The following SGSM2 variants were observed in gnomAD, a reference collection of about 807,000 sequenced individuals.
The protein encoded by SGSM2 is small G protein signaling modulator 2, also known as RUN and TBC1 domain containing 1.
In SGSM2, 89 loss-of-function variants were observed where a neutral mutation model predicts 126.6. The ratio of observed to expected loss-of-function variants is 0.70; its 90% CI spans 0.59 to 0.84. The LOEUF (loss-of-function observed/expected upper bound fraction) is 0.84. Among genes scored for constraint, SGSM2 ranks in the 40% least tolerant of loss-of-function variants. The probability of loss-of-function intolerance (pLI) is 0.00; values close to 1 mark genes in which losing one functional copy is unlikely to be tolerated. For missense variants in SGSM2, 1,404 were observed against 1,416.6 expected (o/e 0.99, Z 0.14); for synonymous variants, 614 against 574.3 (o/e 1.07, Z -0.99).
chr17:2,369,735 CCTGG>C (rs1224868413), intron 12 of SGSM2, among the ~76,000 whole-genome samples: 1 of 151,856 alleles, frequency 6.6e-6, no homozygotes, highest in Admixed American at 6.5e-5. Context: ...CTGCTGCCTG[CCTGG>C]CTGGGCCTCT....
Position 2,362,133 on chromosome 17 carries a change from G to C in SGSM2, c.321G>C (p.Glu107Asp). ...EGRKPSGVSQ[E>D]ALRRQGSASG... The stretch of plus-strand genomic sequence containing the variant: ...GGAAACCCTCAGGGGTCAGCCAGGA[G>C]GCCCTGCGGAGACAGGGCTCAGCCA... The change falls in exon 4 of 24, where the codon GAG (glutamate) becomes GAC (aspartate). Residue 107 changes from glutamate to aspartate, a missense_variant. By Grantham distance (45) the Glu-to-Asp change is conservative. Transcript: ENST00000268989. This position sits in a 1 kb window ranked among gnomAD's most constrained non-coding sequence, Gnocchi z 4.9. 1 of 1,613,198 alleles carries C rather than the reference G, an allele frequency of 6.2e-7. No individual in the cohort carries two copies. Among genetic ancestry groups the C allele is most frequent in the Non-Finnish European group, 8.5e-7 (1 of 1,179,788 alleles).
chr17:2,376,759 G>A lies in SGSM2; in HGVS notation c.2636G>A (p.Gly879Asp). Residue 879 changes from glycine to aspartate, a missense_variant, in exon 20 of 24, where the codon GGC becomes GAC. Physicochemically the swap from Gly to Asp is moderately conservative, Grantham distance 94. Transcript: ENST00000268989. ...CSYVWEHLDVGYVQGMCDLLA... is the reference protein window; with the variant it reads ...CSYVWEHLDVDYVQGMCDLLA... ...TACGTGTGGGAGCACCTGGACGTGG[G>A]CTATGTGCAGGGCATGTGCGATCTG... 4.3e-6 allele frequency: 7 copies of A among 1,614,046 alleles called. No individual in the cohort carries two copies. The highest frequency in any genetic ancestry group is 5.9e-6 in the Non-Finnish European group (7 of 1,180,036).
In SGSM2 at chr17:2,373,072, G is replaced by C. The variant is rs773003434; in HGVS notation, c.1908G>C (p.Glu636Asp). 1 of 1,609,718 alleles carries C rather than the reference G, an allele frequency of 6.2e-7. No individual in the cohort carries two copies. Among genetic ancestry groups the C allele is most frequent in the Non-Finnish European group, 8.5e-7 (1 of 1,178,892 alleles). Residue 636 changes from glutamate (E) to aspartate (D), a missense_variant, in exon 16 of 24, where the codon GAG becomes GAC. Transcript: ENST00000268989. ...ACAAGTTCGGCATGAGCAAGAAGGA[G>C]ATGGAGCAGGTGAGGGGAGCCTGTT... ...GHYKFGMSKK[E>D]MEQVDAVVAA...
rs376467472 is a variant in SGSM2 at position 2,375,677 on chromosome 17, G to C, written c.2286G>C (p.Ser762=). The part of the protein sequence containing the change: ...LPSSRNYSVA[S]GIQSSLDEGQ... Reference sequence around the variant, plus strand: ...CCTCTCGCAATTACTCCGTGGCCTCGGGCATCCAGTCAAGCCTAGATGAGG... The same window carrying C: ...CCTCTCGCAATTACTCCGTGGCCTCCGGCATCCAGTCAAGCCTAGATGAGG... Residue 762 remains serine, a synonymous_variant, in exon 18 of 24, where the codon TCG becomes TCC. Coordinates refer to ENST00000268989, the MANE Select transcript of SGSM2 (RefSeq NM_014853.3). 1 of 1,613,814 alleles carries C rather than the reference G, an allele frequency of 6.2e-7. No homozygotes were observed. Among genetic ancestry groups the C allele is most frequent in the East Asian group, 2.2e-5 (1 of 44,884 alleles).
chr17:2,365,172 ACT>A (rs1450517393), intron 10 of SGSM2, 41 bp from the exon 11 acceptor site: 11 of 1,591,720 alleles, frequency 6.9e-6, no homozygotes, highest in Non-Finnish European at 8.6e-6. Flanking sequence ...CCTGGATGAG[ACT>A]CTGCCCTATA....
In SGSM2 at chr17:2,377,415, TGGA is replaced by T. The variant is rs565177266; in HGVS notation, c.2802+350_2802+352del. The T allele has an allele frequency of 2.0e-3, 340 of 172,102 alleles. 10 individuals are homozygous for T. In the East Asian group the frequency reaches 0.044, roughly 22 times the overall value. The allele number at this position is 172,102 out of a possible 1,614,324, so 10.7% of individuals were successfully genotyped here. A position where few individuals can be genotyped will look rare whatever the true frequency, so the allele number is the denominator to read the frequency against. ...AGGAGAATCACTTGAACCCGGGAGGTGGAGGTTGCAGTGAGCCGAGATCACACC... is the reference window on the plus strand; with the variant it reads ...AGGAGAATCACTTGAACCCGGGAGGTGGTTGCAGTGAGCCGAGATCACACC... On this transcript the variant is annotated intron_variant, in intron 21 of 23. Transcript: ENST00000268989.
chr17:2,360,169 C>G (rs1253397374), intron 2 of SGSM2, among the ~76,000 whole-genome samples: 1 of 152,126 alleles, frequency 6.6e-6, no homozygotes, highest in Non-Finnish European at 1.5e-5. Flanking sequence ...GTGGCGAAAC[C>G]CCGTCTCTAC....
rs56109750 is a variant in SGSM2, at chr17:2,353,766, T to TAAA, written c.134-7863_134-7861dup. Among the ~76,000 whole-genome samples the TAAA allele has an allele frequency of 2.7e-5, 4 of 149,274 alleles. No homozygotes were observed. The South Asian group carries it at 8.4e-4, about 32-fold the overall frequency. On this transcript the variant is annotated intron_variant, in intron 2 of 23. Coordinates refer to ENST00000268989, the MANE Select transcript of SGSM2 (RefSeq NM_014853.3). ...GGGTGACAGACTGAGACTCTGTCTT[T>TAAA]AAAAAAAAAAGCGTGCAGTGAAAAG...
rs759679613 is a variant in SGSM2, at chr17:2,363,527, G to A, written c.735G>A (p.Glu245=). 4.3e-6 allele frequency: 7 copies of A among 1,613,512 alleles called. No homozygotes were observed. Among genetic ancestry groups the A allele is most frequent in the South Asian group, 2.2e-5 (2 of 91,084 alleles). The change falls in exon 7 of 24, where the codon GAG becomes GAA. Residue 245 remains glutamate, a synonymous_variant. Transcript: ENST00000268989. The surrounding 1 kb of genome is among the most constrained non-coding windows in gnomAD (Gnocchi z 4.2). ...SEDRLAACAR[E]CVESLHQNSR... ...ACAGGCTGGCTGCCTGTGCCCGCGA[G>A]TGTGTGGAGTCCCTGCACCAGAACT...
chr17:2,352,887 C>A (rs2064924964), intron 2 of SGSM2, among the ~76,000 whole-genome samples: 1 of 137,488 alleles, frequency 7.3e-6, no homozygotes, highest in Admixed American at 7.1e-5. Context: ...ACGCCATTCT[C>A]CTGCCTCAGC....
At chr17:2,376,283 A>C in intron 19 of SGSM2, 22 bp downstream of exon 19, 21 of 1,441,986 alleles carry the variant, frequency 1.5e-5, no homozygotes, top group Non-Finnish European at 1.9e-5. Context: ...GGCGGGGCTC[A>C]GGGTGGGAGG....
chr17:2,337,847 A>C lies in SGSM2; in HGVS notation c.57+102A>C. ...CCCCCCGGCGCGGGCACCCGGGCCG[A>C]ACCTGGGCCGGGCGGGGCGGGTCCT... On this transcript the variant is annotated intron_variant, in intron 1 of 23. Transcript: ENST00000268989. The surrounding 1 kb of genome is among the most constrained non-coding windows in gnomAD (Gnocchi z 5.1). 1.3e-6 allele frequency: 1 copy of C among 763,738 alleles called. No individual in the cohort carries two copies. The highest frequency in any genetic ancestry group is 1.8e-6 in the Non-Finnish European group (1 of 547,384). The allele number at this position is 763,738 out of a possible 1,614,324, so 47.3% of individuals were successfully genotyped here.
intron 12 of SGSM2, among the ~76,000 whole-genome samples, chr17:2,370,415 T>C (rs947178325): frequency 3.3e-5 from 5 of 152,258 alleles, no homozygotes; most frequent in African/African-American, 1.2e-4. Flanking sequence ...GCCCTGTCGC[T>C]GGCAGCGTAG....
At position 2,367,378 on chromosome 17, in the gene SGSM2, A is replaced by G. The variant is rs1470761477; in HGVS notation, c.1396A>G (p.Asn466Asp). 2 of 1,614,102 alleles carry G rather than the reference A, an allele frequency of 1.2e-6. No homozygotes were observed. The highest frequency in any genetic ancestry group is 3.3e-5 in the Admixed American group (2 of 60,024). Residue 466 changes from asparagine (N) to aspartate (D), a missense_variant, in exon 12 of 24, where the codon AAC becomes GAC. Transcript: ENST00000268989. This position sits in a 1 kb window ranked among gnomAD's most constrained non-coding sequence, Gnocchi z 4.0. Reference sequence around the variant, plus strand: ...GATGCTCTCAATGATCTGCTCGCGGAACCTCACAGCTCCCAATCCGATGAA... The same window carrying G: ...GATGCTCTCAATGATCTGCTCGCGGGACCTCACAGCTCCCAATCCGATGAA... ...HAMLSMICSR[N>D]LTAPNPMKDA...
At chr17:2,354,903 C>T (rs2065030108) in intron 2 of SGSM2, among the ~76,000 whole-genome samples, 1 of 144,288 alleles carries the variant, frequency 6.9e-6, no homozygotes, top group Non-Finnish European at 1.5e-5. Context: ...GGAAGGGACC[C>T]CATATCTTAG....
chr17:2,364,789 C>A, intron 9 of SGSM2, 108 bp from the exon 10 acceptor site: 1 of 1,555,314 alleles, frequency 6.4e-7, no homozygotes, highest in South Asian at 1.1e-5. Context: ...GCTCCCAGGC[C>A]ATGCTGTAGC....
chr17:2,365,657 G>T (rs1446028665), intron 11 of SGSM2, among the ~76,000 whole-genome samples: 1 of 151,824 alleles, frequency 6.6e-6, no homozygotes, highest in Non-Finnish European at 1.5e-5. Context: ...GGAGAAACGA[G>T]AAGTAGAAGG....
At chr17:2,378,892 A>T in intron 22 of SGSM2, 144 bp from the exon 23 acceptor site, 2 of 957,798 alleles carry the variant, frequency 2.1e-6, no homozygotes, top group Non-Finnish European at 3.1e-6. Context: ...GCCTGTGAGC[A>T]GCCAGTCCGG....
In SGSM2 at chr17:2,379,555, G is replaced by A. The variant is rs1157696007; in HGVS notation, c.*35G>A. On this transcript the variant is annotated 3_prime_UTR_variant, in exon 24 of 24. Coordinates refer to ENST00000268989, the MANE Select transcript of SGSM2 (RefSeq NM_014853.3). Reference sequence around the variant, plus strand: ...AGGAGGCAGCAGCCGTGCAGAGCCTGGGCTCCGGCAGGGAGAGGTGCAGGG... The same window carrying A: ...AGGAGGCAGCAGCCGTGCAGAGCCTAGGCTCCGGCAGGGAGAGGTGCAGGG... 1.3e-6 allele frequency: 2 copies of A among 1,596,914 alleles called. No homozygotes were observed. The highest frequency in any genetic ancestry group is 2.7e-5 in the African/African-American group (2 of 74,644).
Sources: allele counts gnomAD v4.1 joint callset (sites outside exome capture counted in the v4.1 genomes callset), GRCh38; gene constraint gnomAD v4.1.1; non-coding constraint Gnocchi (gnomAD v3.1); transcripts MANE v1.5; gene names NCBI Gene and HGNC (gene_info 2026-07-23, HGNC 2026-07-21).